ATP8A2: variants seen among roughly 807,000 people sequenced by gnomAD.
ATP8A2 encodes the protein phospholipid-transporting ATPase IB.
Under a neutral mutation model 165.6 loss-of-function variants are expected in ATP8A2, and 100 were observed. The ratio of observed to expected loss-of-function variants is 0.60; its 90% CI spans 0.51 to 0.71. The LOEUF (loss-of-function observed/expected upper bound fraction) is 0.71. Ranked by LOEUF, ATP8A2 falls within the 30% of genes least tolerant of loss-of-function variation. The pLI is 0.00. For synonymous variants in ATP8A2, 543 were observed against 548.8 expected (o/e 0.99, Z 0.15); for missense variants, 1,227 against 1,479.5 (o/e 0.83, Z 2.80).
At chr13:25,597,660 A>T (rs539703616) in intron 24 of ATP8A2, among the ~76,000 whole-genome samples, 4 of 152,206 alleles carry the variant, frequency 2.6e-5, no homozygotes, top group African/African-American at 9.6e-5. Context: ...TTGAGGTGAG[A>T]CTCCAGCTTA....
At chr13:25,974,475 G>A (rs1187973074) in intron 35 of ATP8A2, among the ~76,000 whole-genome samples, 1 of 152,096 alleles carries the variant, frequency 6.6e-6, no homozygotes, top group Non-Finnish European at 1.5e-5. Context: ...GGATGGGGGT[G>A]TGGTGGGGAC....
chr13:26,013,503 C>T (rs1359455326), intron 36 of ATP8A2, among the ~76,000 whole-genome samples: 2 of 152,056 alleles, frequency 1.3e-5, no homozygotes, highest in Admixed American at 6.6e-5. Flanking sequence ...GGTGAAACCT[C>T]GTCTCTACTA....
chr13:25,513,245 G>T (rs1418154167), intron 2 of ATP8A2, among the ~76,000 whole-genome samples: 1 of 151,906 alleles, frequency 6.6e-6, no homozygotes, highest in African/African-American at 2.4e-5. Flanking sequence ...CTCAGACGGG[G>T]CGGCTGGGCA....
intron 30 of ATP8A2, among the ~76,000 whole-genome samples, chr13:25,851,047 G>C (rs894021586): frequency 6.6e-6 from 1 of 152,136 alleles, no homozygotes; most frequent in Non-Finnish European, 1.5e-5. Context: ...ATCTCACCTT[G>C]GTTTGGGACT....
At chr13:25,891,913 G>T (rs147536376) in intron 33 of ATP8A2, among the ~76,000 whole-genome samples, 1 of 152,042 alleles carries the variant, frequency 6.6e-6, no homozygotes, top group Non-Finnish European at 1.5e-5. Flanking sequence ...TAGTGTGTGC[G>T]TGTGTGTGGT....
chr13:25,993,933 C>T (rs768282993), intron 35 of ATP8A2, among the ~76,000 whole-genome samples: 4 of 152,102 alleles, frequency 2.6e-5, no homozygotes, highest in Admixed American at 1.3e-4. Context: ...GGAGAATTAA[C>T]GTCTTTACTA....
intron 24 of ATP8A2, among the ~76,000 whole-genome samples, chr13:25,681,945 A>G (rs569959719): frequency 6.6e-6 from 1 of 152,186 alleles, no homozygotes; most frequent in African/African-American, 2.4e-5. Context: ...GACAAGAGTG[A>G]TGGGTCCCCG....
At chr13:25,926,973 A>G (rs958254682) in intron 33 of ATP8A2, 1 of 353,950 alleles carries the variant, frequency 2.8e-6, no homozygotes, top group Non-Finnish European at 5.8e-6. Context: ...GGCCACAGGC[A>G]GATAAGCAAG....
At chr13:25,912,726 G>A (rs1233197645) in intron 33 of ATP8A2, among the ~76,000 whole-genome samples, 2 of 152,094 alleles carry the variant, frequency 1.3e-5, no homozygotes, top group African/African-American at 4.8e-5. Flanking sequence ...GGTATAGTAT[G>A]CACTACAGAG....
chr13:25,467,632 G>C (rs1286724504), intron 1 of ATP8A2, among the ~76,000 whole-genome samples: 1 of 151,786 alleles, frequency 6.6e-6, no homozygotes, highest in Non-Finnish European at 1.5e-5. Context: ...CTCACTGCAG[G>C]CTCCGCCCCC....
intron 29 of ATP8A2, among the ~76,000 whole-genome samples, chr13:25,838,456 T>C (rs1161807792): frequency 6.6e-6 from 1 of 152,182 alleles, no homozygotes; most frequent in African/African-American, 2.4e-5. Context: ...CACTGCATTA[T>C]TTACATAAAT....
intron 2 of ATP8A2, among the ~76,000 whole-genome samples, chr13:25,513,531 C>T (rs567100607): frequency 5.9e-5 from 9 of 152,064 alleles, no homozygotes; most frequent in East Asian, 2.0e-4. Flanking sequence ...CCAGGAGAGA[C>T]GCTCCTCACT....
At chr13:25,900,426 G>A (rs555171562) in intron 33 of ATP8A2, among the ~76,000 whole-genome samples, 10 of 152,294 alleles carry the variant, frequency 6.6e-5, no homozygotes, top group African/African-American at 1.9e-4. Flanking sequence ...CAGTGTTTAC[G>A]AAGGGATGTG....
chr13:25,941,626 C>A (rs1278112256), intron 33 of ATP8A2, among the ~76,000 whole-genome samples: 2 of 152,154 alleles, frequency 1.3e-5, no homozygotes, highest in East Asian at 3.9e-4. Context: ...TGAGGACAAC[C>A]ACTGTCCCTC....
intron 24 of ATP8A2, among the ~76,000 whole-genome samples, chr13:25,692,381 C>G (rs1459634498): frequency 1.3e-5 from 2 of 152,138 alleles, no homozygotes; most frequent in African/African-American, 4.8e-5. Context: ...AGCTGCTGCT[C>G]CATGGCATCT....
At chr13:25,683,637 T>A (rs746313594) in intron 24 of ATP8A2, among the ~76,000 whole-genome samples, 8 of 152,042 alleles carry the variant, frequency 5.3e-5, no homozygotes, top group Non-Finnish European at 8.8e-5. Context: ...CCTGTTCAAG[T>A]GTTGTTCAGA....
At position 25,699,293 on chromosome 13, in the gene ATP8A2, C is replaced by G. The variant is rs150714658; in HGVS notation, c.2332C>G (p.Arg778Gly). 8 of 1,613,678 alleles carry G rather than the reference C, an allele frequency of 5.0e-6. No homozygotes were observed. Among genetic ancestry groups the G allele is most frequent in the South Asian group, 3.3e-5 (3 of 90,962 alleles). ...GAAGTACGCGCTCTCCTTCGAAGTCCGGAGGAGTTTCCTGGATTTGGCACT... is the reference window on the plus strand; with the variant it reads ...GAAGTACGCGCTCTCCTTCGAAGTCGGGAGGAGTTTCCTGGATTTGGCACT... ...TLKYALSFEV[R>G]RSFLDLALSC... is the part of the protein sequence containing the mutation. Residue 778 changes from arginine (R) to glycine (G), a missense_variant, in exon 25 of 37, where the codon CGG becomes GGG. Arg to Gly is a moderately radical substitution (Grantham distance 125, BLOSUM62 -2). Around this residue, in one of 5 missense-constraint regions of ATP8A2, gnomAD observed 592 missense variants for 785.6 expected, o/e 0.75. Transcript: ENST00000381655.
At chr13:25,646,588 G>C (rs2041677100) in intron 24 of ATP8A2, among the ~76,000 whole-genome samples, 1 of 146,874 alleles carries the variant, frequency 6.8e-6, no homozygotes, top group African/African-American at 2.5e-5. Flanking sequence ...CTGGAAGGTG[G>C]AGGTTGCAGT....
rs1180992444 is a variant in ATP8A2, at chr13:25,532,401, A to G, written c.466+84A>G. 8.9e-5 allele frequency: 79 copies of G among 891,490 alleles called. 1 individual carries two copies. The South Asian group carries it at 1.2e-3, about 13-fold the overall frequency. The allele number at this position is 891,490 out of a possible 1,614,324, so 55.2% of individuals were successfully genotyped here. ...TTAAGGAATTTTAAATAAGTAGTGAATGGTATTGAGATAAATTGGGAAGAT... is the reference window on the plus strand; with the variant it reads ...TTAAGGAATTTTAAATAAGTAGTGAGTGGTATTGAGATAAATTGGGAAGAT... On this transcript the variant is annotated intron_variant, in intron 5 of 36. Transcript: ENST00000381655.
Sources: gnomAD v4.1 joint callset for allele counts (sites outside exome capture counted in the v4.1 genomes callset) on GRCh38, gnomAD v4.1.1 for gene constraint, gnomAD v4.1.1 regional missense constraint, MANE v1.5 for transcripts, NCBI Gene and HGNC (gene_info 2026-07-23, HGNC 2026-07-21) for gene names.